The following ABCC4 variants were observed in gnomAD, a reference collection of about 807,000 sequenced individuals.
The protein encoded by ABCC4 is ATP binding cassette subfamily C member 4 (PEL blood group).
Under a neutral mutation model 168.5 loss-of-function variants are expected in ABCC4, and 102 were observed. That is an observed-to-expected ratio of 0.61 (90% CI 0.52 to 0.71). The LOEUF (loss-of-function observed/expected upper bound fraction) is 0.71. Ranked by LOEUF, ABCC4 falls within the 30% of genes least tolerant of loss-of-function variation. The probability of loss-of-function intolerance (pLI) is 0.00; values close to 1 mark genes in which losing one functional copy is unlikely to be tolerated. For missense variants in ABCC4, 1,402 were observed against 1,605.8 expected (o/e 0.87, Z 2.17); for synonymous variants, 617 against 590.7 (o/e 1.04, Z -0.65).
At chr13:95,297,692 C>T (rs1261501524) in intron 1 of ABCC4, among the ~76,000 whole-genome samples, 2 of 152,104 alleles carry the variant, frequency 1.3e-5, no homozygotes, top group Non-Finnish European at 2.9e-5. Flanking sequence ...TACTACAGAC[C>T]CAGTGTGGTG....
At chr13:95,031,036 A>G (rs992399614) in intron 30 of ABCC4, among the ~76,000 whole-genome samples, 8 of 152,210 alleles carry the variant, frequency 5.3e-5, no homozygotes, top group African/African-American at 1.9e-4. Context: ...CCTTCCAACA[A>G]ATGAATTCTA....
intron 4 of ABCC4, among the ~76,000 whole-genome samples, chr13:95,212,128 T>C (rs2038975643): frequency 6.9e-6 from 1 of 145,834 alleles, no homozygotes; most frequent in Non-Finnish European, 1.5e-5. Context: ...TCAGCCAAGA[T>C]TGCACCACTG....
intron 27 of ABCC4, among the ~76,000 whole-genome samples, chr13:95,044,897 A>T (rs1215311366): frequency 6.6e-6 from 1 of 152,192 alleles, no homozygotes; most frequent in Non-Finnish European, 1.5e-5. Context: ...GTAAATGGAC[A>T]CAAGGAAATT....
chr13:95,295,235 G>A lies in ABCC4; in HGVS notation c.74+6006C>T, dbSNP rs2041498601. On this transcript the variant is annotated intron_variant, in intron 1 of 30. Coordinates refer to ENST00000645237, the MANE Select transcript of ABCC4 (RefSeq NM_005845.5). ...TGCAGACACAGAAATTTACTATTTG[G>A]CCGGCCACAGTGACTCACACCTGCA... Among the ~76,000 whole-genome samples, 4 of 152,130 alleles carry A rather than the reference G, an allele frequency of 2.6e-5. No homozygotes were observed. The South Asian group carries it at 8.3e-4, about 32-fold the overall frequency.
chr13:95,050,994 C>T (rs1045812301), intron 27 of ABCC4, among the ~76,000 whole-genome samples: 4 of 152,206 alleles, frequency 2.6e-5, no homozygotes, highest in Non-Finnish European at 5.9e-5. Context: ...CACTATTAAA[C>T]CTGTCCTGAG....
intron 1 of ABCC4, among the ~76,000 whole-genome samples, chr13:95,295,402 G>A (rs988529952): frequency 9.2e-5 from 14 of 152,066 alleles, no homozygotes; most frequent in Admixed American, 2.0e-4. Flanking sequence ...GCTCGCCCCC[G>A]TAATCCCAGC....
intron 19 of ABCC4, among the ~76,000 whole-genome samples, chr13:95,141,377 G>A (rs57927922): frequency 0.024 from 3,669 of 152,136 alleles, 124 homozygotes; most frequent in African/African-American, 0.077. Context: ...TTTATCATCC[G>A]GGTGTTTTTG....
Position 95,054,021 on chromosome 13 carries a change from C to CTTT in ABCC4, c.3367-840_3367-838dup, listed in dbSNP as rs55980425. 1.2e-3 allele frequency: 84 copies of CTTT among 71,628 alleles called. 3 individuals carry two copies. The highest frequency in any genetic ancestry group is 3.3e-3 in the Admixed American group (15 of 4,592). The allele number at this position is 71,628 out of a possible 1,614,324, so 4.4% of individuals were successfully genotyped here. A position where few individuals can be genotyped will look rare whatever the true frequency, so the allele number is the denominator to read the frequency against. On this transcript the variant is annotated intron_variant, in intron 26 of 30. Transcript: ENST00000645237. ...CTCTCCAATGTCAGAATGGGACATCCTTTTTTTTTTTTTTTTTTTTTTTTT... is the reference window on the plus strand; with the variant it reads ...CTCTCCAATGTCAGAATGGGACATCCTTTTTTTTTTTTTTTTTTTTTTTTTTTT...
chr13:95,050,481 C>A (rs1351811988), intron 27 of ABCC4, among the ~76,000 whole-genome samples: 1 of 152,162 alleles, frequency 6.6e-6, no homozygotes, highest in Non-Finnish European at 1.5e-5. Context: ...TCTCATTACC[C>A]CCAAACGAGC....
intron 3 of ABCC4, among the ~76,000 whole-genome samples, chr13:95,245,011 A>G (rs1396634444): frequency 1.3e-5 from 2 of 152,140 alleles, no homozygotes; most frequent in East Asian, 3.9e-4. Flanking sequence ...TCCTTGCACC[A>G]GAGTGGGGCC....
At chr13:95,158,492 A>G (rs1424046523) in intron 19 of ABCC4, among the ~76,000 whole-genome samples, 1 of 152,146 alleles carries the variant, frequency 6.6e-6, no homozygotes, top group Admixed American at 6.5e-5. Context: ...TGGAAACTAC[A>G]TGCCAGCAGA....
chr13:95,135,794 GT>G (rs906635835), intron 19 of ABCC4, among the ~76,000 whole-genome samples: 2 of 152,136 alleles, frequency 1.3e-5, no homozygotes, highest in Admixed American at 1.3e-4. Context: ...AATATTCTCA[GT>G]TTGACTTTTC....
At chr13:95,028,574 G>A (rs868408243) in intron 30 of ABCC4, among the ~76,000 whole-genome samples, 2 of 152,016 alleles carry the variant, frequency 1.3e-5, no homozygotes, top group Non-Finnish European at 2.9e-5. Flanking sequence ...TAAACTATGA[G>A]TGAAAGCACT....
At chr13:95,084,781 G>A (rs1404207924) in intron 20 of ABCC4, among the ~76,000 whole-genome samples, 1 of 152,236 alleles carries the variant, frequency 6.6e-6, no homozygotes, top group Non-Finnish European at 1.5e-5. Flanking sequence ...TAACGGGTCT[G>A]TGAATGTTCA....
chr13:95,077,031 T>C lies in ABCC4; in HGVS notation c.2687-1480A>G, dbSNP rs1179738366. On this transcript the variant is annotated intron_variant, in intron 21 of 30. Transcript: ENST00000645237. ...CCACCATTTCCAGCAGGCCACTGTG[T>C]TTCAAGCACACCATTTGATGACTAC... 2.6e-5 allele frequency among the ~76,000 whole-genome samples: 4 copies of C among 152,100 alleles called. No individual in the cohort carries two copies. In the East Asian group the frequency reaches 7.7e-4, roughly 29 times the overall value.
At chr13:95,210,535 G>A (rs895694740) in intron 5 of ABCC4, among the ~76,000 whole-genome samples, 157 bp downstream of exon 5, 6 of 152,138 alleles carry the variant, frequency 3.9e-5, no homozygotes, top group African/African-American at 1.2e-4. Context: ...CAGGAGGATC[G>A]CACATCACTT....
chr13:95,184,518 A>C lies in ABCC4; in HGVS notation c.1545+2183T>G, dbSNP rs1015908141. 2.0e-5 allele frequency among the ~76,000 whole-genome samples: 3 copies of C among 152,196 alleles called. No homozygotes were observed. The South Asian group carries it at 6.2e-4, about 32-fold the overall frequency. Reference sequence around the variant, plus strand: ...TGCAAATGTTCAAGTGAGTCATTTTATCTCTCCAACCCTCCACTTTACCAG... The same window carrying C: ...TGCAAATGTTCAAGTGAGTCATTTTCTCTCTCCAACCCTCCACTTTACCAG... On this transcript the variant is annotated intron_variant, in intron 11 of 30. Transcript: ENST00000645237.
At chr13:95,137,875 G>C (rs1231405091) in intron 19 of ABCC4, among the ~76,000 whole-genome samples, 1 of 152,166 alleles carries the variant, frequency 6.6e-6, no homozygotes, top group Non-Finnish European at 1.5e-5. Flanking sequence ...AATGCACCCA[G>C]GGAGGCAAAC....
intron 25 of ABCC4, among the ~76,000 whole-genome samples, chr13:95,068,748 G>A (rs559065885): frequency 6.6e-6 from 1 of 152,320 alleles, no homozygotes; most frequent in East Asian, 1.9e-4. Flanking sequence ...GATATAGGTT[G>A]TTTTCTAATG....
Sources: gnomAD v4.1 joint callset for allele counts (sites outside exome capture counted in the v4.1 genomes callset) on GRCh38, gnomAD v4.1.1 for gene constraint, MANE v1.5 for transcripts, NCBI Gene and HGNC (gene_info 2026-07-23, HGNC 2026-07-21) for gene names.